The following ZNF385D variants were observed in gnomAD, a reference collection of about 807,000 sequenced individuals.
ZNF385D encodes zinc finger protein 659.
ZNF385D carries 15 observed loss-of-function variants against 35.8 expected under a neutral mutation model. That is an observed-to-expected ratio of 0.42 (90% confidence interval 0.28 to 0.64). ZNF385D has a LOEUF of 0.64. Among genes scored for constraint, ZNF385D ranks in the 30% least tolerant of loss-of-function variants. ZNF385D has a pLI of 0.23. For synonymous variants in ZNF385D, 212 were observed against 186.8 expected, an observed-to-expected ratio of 1.13 and a Z score of -1.10; for missense variants, 474 against 494.6, an observed-to-expected ratio of 0.96 and a Z score of 0.39.
chr3:21,668,874 A>C (rs62237418), intron 1 of ZNF385D, among the ~76,000 whole-genome samples: 19,474 of 152,206 alleles, frequency 0.13, 1,353 homozygotes, highest in East Asian at 0.17. Flanking sequence ...GGTATGAATA[A>C]ATGTTTATTA....
intron 2 of ZNF385D, among the ~76,000 whole-genome samples, chr3:21,650,684 A>G (rs1186690746): frequency 7.2e-5 from 11 of 152,164 alleles, no homozygotes; most frequent in Admixed American, 7.2e-4. Flanking sequence ...TGAGCGCTCC[A>G]ATTCTACATG....
chr3:21,924,741 A>C (rs1700639854), intron 3 of ZNF385D, among the ~76,000 whole-genome samples: 1 of 152,112 alleles, frequency 6.6e-6, no homozygotes, highest in African/African-American at 2.4e-5. Context: ...TAAGAAACTC[A>C]TTGCTCTCAG....
intron 5 of ZNF385D, among the ~76,000 whole-genome samples, chr3:21,427,014 C>T (rs887621169): frequency 5.3e-5 from 8 of 152,062 alleles, no homozygotes; most frequent in Non-Finnish European, 1.0e-4. Flanking sequence ...GTCAATATCT[C>T]GCAGGAAGAT....
At chr3:21,509,136 C>T (rs1015744942) in intron 4 of ZNF385D, among the ~76,000 whole-genome samples, 2 of 152,112 alleles carry the variant, frequency 1.3e-5, no homozygotes, top group Admixed American at 1.3e-4. Flanking sequence ...GATGTGCATC[C>T]TTAATGAAAC....
intron 3 of ZNF385D, among the ~76,000 whole-genome samples, chr3:21,788,362 C>T (rs1349015175): frequency 5.9e-5 from 9 of 152,102 alleles, no homozygotes; most frequent in African/African-American, 2.2e-4. Flanking sequence ...CCTGTAATCC[C>T]AGCTACTTGG....
chr3:21,971,394 G>T (rs974910483), intron 3 of ZNF385D, among the ~76,000 whole-genome samples: 1 of 151,902 alleles, frequency 6.6e-6, no homozygotes, highest in East Asian at 1.9e-4. Context: ...TGCAATAAAG[G>T]TTAAGTTGTC....
chr3:21,937,572 T>C (rs1575959297), intron 3 of ZNF385D, among the ~76,000 whole-genome samples: 1 of 152,162 alleles, frequency 6.6e-6, no homozygotes, highest in South Asian at 2.1e-4. Context: ...CTCACTATTG[T>C]TTGAATTCTA....
intron 2 of ZNF385D, among the ~76,000 whole-genome samples, chr3:21,577,240 A>G (rs2063521119): frequency 2.0e-5 from 3 of 152,130 alleles, no homozygotes. Context: ...GCTTCCACAT[A>G]TGAGTGATGA....
intron 3 of ZNF385D, among the ~76,000 whole-genome samples, chr3:21,512,245 G>A (rs1260193379): frequency 4.0e-5 from 6 of 151,540 alleles, no homozygotes; most frequent in African/African-American, 1.5e-4. Flanking sequence ...AAATACTGTA[G>A]TTGGTGGGTA....
At chr3:21,751,998 C>G (rs2070114664), upstream of ZNF385D, among the ~76,000 whole-genome samples, 4 of 98,280 alleles carry the variant, frequency 4.1e-5, 2 homozygotes, top group South Asian at 1.6e-3. Context: ...GCCACACACA[C>G]ACACACCCAC....
chr3:21,815,921 A>G (rs1453090460), intron 3 of ZNF385D, among the ~76,000 whole-genome samples: 5 of 152,196 alleles, frequency 3.3e-5, no homozygotes, highest in African/African-American at 1.2e-4. Flanking sequence ...ACATCGATGC[A>G]AAAATCCTCA....
intron 2 of ZNF385D, among the ~76,000 whole-genome samples, chr3:22,202,157 A>T (rs1696840340): frequency 6.6e-6 from 1 of 152,082 alleles, no homozygotes; most frequent in African/African-American, 2.4e-5. Context: ...TTCATAGTTA[A>T]CTATTACTAT....
At position 22,123,546 on chromosome 3, in the gene ZNF385D, T is replaced by C. The variant is rs1169761292; in HGVS notation, c.325+45271A>G. Among the ~76,000 whole-genome samples the C allele has an allele frequency of 1.3e-5, 2 of 152,124 alleles. 1 individual carries two copies. The highest frequency in any genetic ancestry group is 2.9e-5 in the Non-Finnish European group (2 of 68,024). On this transcript the variant is annotated intron_variant, in intron 3 of 5. Coordinates refer to the ZNF385D transcript ENST00000494108. ...TCCCTCAGCTATTCTAAAATGTATATAAAATGTACAACAAAAAATTATTGC... is the reference window on the plus strand; with the variant it reads ...TCCCTCAGCTATTCTAAAATGTATACAAAATGTACAACAAAAAATTATTGC...
intron 4 of ZNF385D, among the ~76,000 whole-genome samples, chr3:21,456,566 T>TCA (rs1353645814): frequency 1.3e-5 from 2 of 151,896 alleles, no homozygotes; most frequent in Non-Finnish European, 2.9e-5. Context: ...AAGGGGAACA[T>TCA]CACACACCGG....
chr3:21,823,938 C>G (rs1156530061), intron 3 of ZNF385D, among the ~76,000 whole-genome samples: 1 of 152,122 alleles, frequency 6.6e-6, no homozygotes, highest in Non-Finnish European at 1.5e-5. Flanking sequence ...GTGAAGTTGT[C>G]ACTTTATTGA....
At chr3:21,826,136 G>C (rs2630811) in intron 3 of ZNF385D, among the ~76,000 whole-genome samples, 1 of 152,084 alleles carries the variant, frequency 6.6e-6, no homozygotes, top group Admixed American at 6.5e-5. Flanking sequence ...CTCTTAAGTT[G>C]CTTTGACCAG....
At chr3:22,084,305 A>T (rs996657120) in intron 3 of ZNF385D, among the ~76,000 whole-genome samples, 1 of 152,142 alleles carries the variant, frequency 6.6e-6, no homozygotes, top group Non-Finnish European at 1.5e-5. Context: ...TAGAGTCAAG[A>T]CTCATCAGTG....
At chr3:21,774,640 G>C (rs1014196334) in intron 3 of ZNF385D, among the ~76,000 whole-genome samples, 2 of 151,698 alleles carry the variant, frequency 1.3e-5, no homozygotes, top group Non-Finnish European at 2.9e-5. Flanking sequence ...ATAGAGAGAA[G>C]TGATTAGAGA....
intron 3 of ZNF385D, among the ~76,000 whole-genome samples, chr3:21,805,107 G>A (rs1007281937): frequency 6.6e-6 from 1 of 152,158 alleles, no homozygotes; most frequent in Non-Finnish European, 1.5e-5. Flanking sequence ...CTAATTACCG[G>A]CTTTTTGCTG....
Sources: gnomAD v4.1 joint callset for allele counts (sites outside exome capture counted in the v4.1 genomes callset) on GRCh38, gnomAD v4.1.1 for gene constraint, MANE v1.5 for transcripts, NCBI Gene and HGNC (gene_info 2026-07-23, HGNC 2026-07-21) for gene names.